CPA6: variants seen among roughly 807,000 people sequenced by gnomAD.
CPA6 encodes the protein carboxypeptidase B.
A neutral mutation model predicts 63.3 loss-of-function variants in CPA6; 58 were observed. The observed-to-expected ratio is 0.92, with a 90% confidence interval of 0.74 to 1.14. The LOEUF (loss-of-function observed/expected upper bound fraction) is 1.14, where lower values mean the gene tolerates loss of function less well. Among genes scored for constraint, CPA6 ranks in the 50% most tolerant of loss-of-function variants. The pLI is 0.00. For synonymous variants in CPA6, 185 were observed against 179.0 expected (o/e 1.03, Z -0.27); for missense variants, 565 against 526.6 (o/e 1.07, Z -0.71).
intron 1 of CPA6, among the ~76,000 whole-genome samples, chr8:67,645,590 T>C (rs143025399): frequency 6.6e-6 from 1 of 152,356 alleles, no homozygotes; most frequent in Non-Finnish European, 1.5e-5. Context: ...AGTATAATAA[T>C]GAAGTTTGTC....
intron 8 of CPA6, among the ~76,000 whole-genome samples, chr8:67,475,484 G>A (rs935226114): frequency 2.6e-5 from 4 of 152,236 alleles, no homozygotes; most frequent in African/African-American, 4.8e-5. Context: ...GTTCCTGAGG[G>A]TACAAGAGTG....
chr8:67,552,651 T>C (rs1812970773), intron 2 of CPA6, among the ~76,000 whole-genome samples: 1 of 151,370 alleles, frequency 6.6e-6, no homozygotes, highest in Non-Finnish European at 1.5e-5. Context: ...CACGTGCCTG[T>C]AGTCCCAGCT....
chr8:67,589,363 G>A (rs754109019), intron 2 of CPA6, among the ~76,000 whole-genome samples: 1 of 152,178 alleles, frequency 6.6e-6, no homozygotes, highest in East Asian at 1.9e-4. Context: ...ATACCTTGTG[G>A]AAGAATCTTC....
chr8:67,643,764 A>C (rs1227040559), intron 1 of CPA6, among the ~76,000 whole-genome samples: 1 of 152,194 alleles, frequency 6.6e-6, no homozygotes, highest in Admixed American at 6.5e-5. Context: ...GTACTTATTT[A>C]CATATGAAAT....
intron 1 of CPA6, among the ~76,000 whole-genome samples, chr8:67,719,568 A>T (rs867981813): frequency 2.6e-5 from 4 of 152,194 alleles, no homozygotes; most frequent in South Asian, 4.1e-4. Context: ...TCAGCAGAGC[A>T]ACATAACAAA....
chr8:67,660,194 A>G (rs1816076048), intron 1 of CPA6, among the ~76,000 whole-genome samples: 1 of 152,078 alleles, frequency 6.6e-6, no homozygotes, highest in South Asian at 2.1e-4. Flanking sequence ...GGCAGCATAA[A>G]TTTGGGCAGA....
At chr8:67,712,683 T>C (rs1218759607) in intron 1 of CPA6, among the ~76,000 whole-genome samples, 1 of 152,124 alleles carries the variant, frequency 6.6e-6, no homozygotes, top group Non-Finnish European at 1.5e-5. Flanking sequence ...TTTAAAAAAC[T>C]AGCTCCTTCT....
At chr8:67,685,848 T>C (rs1816698973) in intron 1 of CPA6, among the ~76,000 whole-genome samples, 1 of 152,198 alleles carries the variant, frequency 6.6e-6, no homozygotes, top group African/African-American at 2.4e-5. Context: ...GGAATGTTCT[T>C]CCAGTTATAG....
intron 1 of CPA6, among the ~76,000 whole-genome samples, chr8:67,639,167 G>A (rs372742312): frequency 3.6e-4 from 55 of 151,696 alleles, no homozygotes; most frequent in Middle Eastern, 3.4e-3. Context: ...AAAGAGCCCC[G>A]TGGTAAATAT....
Position 67,495,356 on chromosome 8 carries a change from A to G in CPA6, c.637-10567T>C, listed in dbSNP as rs142673201. Among the ~76,000 whole-genome samples the G allele has an allele frequency of 1.4e-3, 207 of 152,280 alleles. 2 individuals are homozygous for G. Among genetic ancestry groups the G allele is most frequent in the African/African-American group, 4.9e-3 (202 of 41,566 alleles). ...TTCTCCCAAGTAGAACTGCAAATGC[A>G]TTGAGGAAAGGGTTAATGTTTTGTG... is the stretch of plus-strand genomic sequence containing the variant. On this transcript the variant is annotated intron_variant, in intron 6 of 10. Coordinates refer to ENST00000297770, the MANE Select transcript of CPA6 (RefSeq NM_020361.5).
At chr8:67,722,659 G>A (rs1438944702) in intron 1 of CPA6, among the ~76,000 whole-genome samples, 1 of 152,024 alleles carries the variant, frequency 6.6e-6, no homozygotes, top group African/African-American at 2.4e-5. Flanking sequence ...AAACTGTAGG[G>A]GAAAGATTAT....
At chr8:67,583,176 G>A (rs962512525) in intron 2 of CPA6, among the ~76,000 whole-genome samples, 11 of 152,100 alleles carry the variant, frequency 7.2e-5, no homozygotes, top group South Asian at 2.1e-4. Context: ...GGGTAGTTGC[G>A]TGAAGATTCT....
Position 67,716,151 on chromosome 8 carries a change from C to CAAAAAAAAAAAAAAAAAAAAAAA in CPA6, c.116+29840_116+29862dup, listed in dbSNP as rs56275918. 1.7e-4 allele frequency among the ~76,000 whole-genome samples: 13 copies of CAAAAAAAAAAAAAAAAAAAAAAA among 76,548 alleles called. 2 individuals are homozygous for CAAAAAAAAAAAAAAAAAAAAAAA. The highest frequency in any genetic ancestry group is 8.7e-4 in the African/African-American group (13 of 14,922). 50.2% of individuals were successfully genotyped at this position (76,548 alleles called of 152,430 possible). On this transcript the variant is annotated intron_variant, in intron 1 of 10. Coordinates refer to ENST00000297770, the MANE Select transcript of CPA6 (RefSeq NM_020361.5). Reference sequence around the variant, plus strand: ...CCTGGGCGAGAGAGTGAGCTTGTCTCAAAAAAAAAAAAAAAAAAAAAAAAA... The same window carrying CAAAAAAAAAAAAAAAAAAAAAAA: ...CCTGGGCGAGAGAGTGAGCTTGTCTCAAAAAAAAAAAAAAAAAAAAAAAAAAAAAAAAAAAAAAAAAAAAAAAA...
intron 1 of CPA6, among the ~76,000 whole-genome samples, chr8:67,650,332 A>C (rs1170771040): frequency 5.3e-5 from 8 of 152,152 alleles, no homozygotes; most frequent in Non-Finnish European, 1.0e-4. Flanking sequence ...AAGGGCCAGC[A>C]GTAGGTCAGC....
At chr8:67,447,527 A>G (rs1189976958) in intron 8 of CPA6, among the ~76,000 whole-genome samples, 2 of 148,020 alleles carry the variant, frequency 1.4e-5, no homozygotes, top group African/African-American at 5.3e-5. Context: ...ACACACACAC[A>G]CACACACACA....
At chr8:67,520,877 T>G (rs1255727967) in intron 2 of CPA6, among the ~76,000 whole-genome samples, 1 of 152,174 alleles carries the variant, frequency 6.6e-6, no homozygotes, top group Non-Finnish European at 1.5e-5. Context: ...CCTGACCTAG[T>G]ATTTGGGGAG....
At chr8:67,637,829 G>T (rs1401009206) in intron 1 of CPA6, among the ~76,000 whole-genome samples, 2 of 151,426 alleles carry the variant, frequency 1.3e-5, no homozygotes, top group Non-Finnish European at 2.9e-5. Context: ...GGGCTCAGTA[G>T]ATTGATGGCC....
At chr8:67,674,123 TAC>T (rs1365680854) in intron 1 of CPA6, among the ~76,000 whole-genome samples, 4 of 152,224 alleles carry the variant, frequency 2.6e-5, no homozygotes, top group African/African-American at 7.2e-5. Flanking sequence ...CTCTCCATTC[TAC>T]AGTTGTCATG....
At chr8:67,556,269 G>A (rs977691857) in intron 2 of CPA6, among the ~76,000 whole-genome samples, 1 of 152,168 alleles carries the variant, frequency 6.6e-6, no homozygotes, top group Non-Finnish European at 1.5e-5. Flanking sequence ...GTTGCCACTG[G>A]TCTTGGGGCT....
Sources: allele counts gnomAD v4.1 joint callset (sites outside exome capture counted in the v4.1 genomes callset), GRCh38; gene constraint gnomAD v4.1.1; transcripts MANE v1.5; gene names NCBI Gene and HGNC (gene_info 2026-07-23, HGNC 2026-07-21).